KLRG1: variants seen among roughly 807,000 people sequenced by gnomAD.
KLRG1 encodes the protein killer cell lectin like receptor G1.
KLRG1 carries 16 observed loss-of-function variants against 21.8 expected under a neutral mutation model. That is an observed-to-expected ratio of 0.73 (90% CI 0.50 to 1.11). The LOEUF (loss-of-function observed/expected upper bound fraction) is 1.11. KLRG1 is among the 50% of genes most tolerant of loss of function. The pLI, the probability that KLRG1 is intolerant of heterozygous loss-of-function variation, is 0.00. For missense variants in KLRG1, 173 were observed against 218.3 expected (o/e 0.79, Z 1.31); for synonymous variants, 69 against 75.9 (o/e 0.91, Z 0.47).
chr12:8,957,850 A>G (rs756673221), intron 1 of KLRG1, among the ~76,000 whole-genome samples: 1 of 152,348 alleles, frequency 6.6e-6, no homozygotes, highest in African/African-American at 2.4e-5. Flanking sequence ...CATGCAATGT[A>G]AAACTTATGA....
At chr12:9,023,726 A>C in the KLRG1 span, among the ~76,000 whole-genome samples, 1 of 150,924 alleles carries the variant, frequency 6.6e-6, no homozygotes. Context: ...TGGCCAATTA[A>C]AAAAAATTTT....
At chr12:9,154,786 G>T in the KLRG1 span, 2 of 1,614,146 alleles carry the variant, frequency 1.2e-6, no homozygotes, top group South Asian at 2.2e-5. Flanking sequence ...GTTTGGTAAA[G>T]ATGCCCCACT....
intron 1 of KLRG1, among the ~76,000 whole-genome samples, chr12:8,962,836 G>A (rs1211560745): frequency 2.0e-5 from 3 of 152,110 alleles, no homozygotes; most frequent in Non-Finnish European, 4.4e-5. Context: ...GTGACCTGTG[G>A]TACTACGTCA....
In KLRG1 at chr12:9,000,580, C is replaced by T. The variant is rs887379231; in HGVS notation, c.357+5292C>T. On this transcript the variant is annotated intron_variant, in intron 3 of 4. Coordinates refer to ENST00000356986, the MANE Select transcript of KLRG1 (RefSeq NM_005810.4). Reference sequence around the variant, plus strand: ...TAAACAATAACTCCCCTCCCTCTAGCCCCTGGTAATCACTATTCTACTTAC... The same window carrying T: ...TAAACAATAACTCCCCTCCCTCTAGTCCCTGGTAATCACTATTCTACTTAC... Among the ~76,000 whole-genome samples the T allele has an allele frequency of 6.2e-4, 94 of 152,178 alleles. 7 individuals carry two copies. The highest frequency in any genetic ancestry group is 1.5e-5 in the Non-Finnish European group (1 of 68,038).
At chr12:9,050,897 C>T in the KLRG1 span, among the ~76,000 whole-genome samples, 1 of 152,216 alleles carries the variant, frequency 6.6e-6, no homozygotes, top group African/African-American at 2.4e-5. Context: ...CCTCTCTCTG[C>T]TCCTGGCACT....
the KLRG1 span, among the ~76,000 whole-genome samples, chr12:9,090,841 T>G: frequency 6.6e-6 from 1 of 152,180 alleles, no homozygotes; most frequent in Non-Finnish European, 1.5e-5. Context: ...AAAGGTAAGA[T>G]GCTCACAAAC....
chr12:9,037,565 G>GTGTA, the KLRG1 span, among the ~76,000 whole-genome samples: 1 of 152,154 alleles, frequency 6.6e-6, no homozygotes, highest in South Asian at 2.1e-4. Flanking sequence ...AGTATACAGT[G>GTGTA]TGTATAAAGT....
chr12:9,004,080 C>T (rs12297905), intron 3 of KLRG1, among the ~76,000 whole-genome samples: 9,562 of 152,032 alleles, frequency 0.063, 464 homozygotes, highest in African/African-American at 0.14. Flanking sequence ...ATATGTGCCA[C>T]ATTTTCTTAA....
At chr12:8,986,872 C>A (rs1160550177), upstream of KLRG1, among the ~76,000 whole-genome samples, 1 of 152,120 alleles carries the variant, frequency 6.6e-6, no homozygotes, top group Admixed American at 6.5e-5. Flanking sequence ...GAGTTCCTCA[C>A]AAGACCTGGT....
At chr12:9,190,923 A>G in the KLRG1 span, among the ~76,000 whole-genome samples, 57 of 152,224 alleles carry the variant, frequency 3.7e-4, no homozygotes, top group African/African-American at 1.3e-3. Context: ...CTTTTATCAT[A>G]GAGGTGTAAG....
At chr12:8,991,814 G>A (rs963317892) in intron 1 of KLRG1, among the ~76,000 whole-genome samples, 8 of 151,970 alleles carry the variant, frequency 5.3e-5, no homozygotes, top group Admixed American at 1.3e-4. Flanking sequence ...TTTTGCACCC[G>A]CGAGTATCTG....
the KLRG1 span, among the ~76,000 whole-genome samples, chr12:9,060,844 G>A: frequency 6.6e-6 from 1 of 152,092 alleles, no homozygotes; most frequent in Non-Finnish European, 1.5e-5. Context: ...TTCGTCACGT[G>A]AAGACTATCT....
the KLRG1 span, chr12:9,167,422 A>G: frequency 1.3e-5 from 2 of 152,190 alleles, no homozygotes; most frequent in East Asian, 1.9e-4. Context: ...TGGGCTCACA[A>G]GGGTATCTCC....
At chr12:9,050,706 G>A in the KLRG1 span, among the ~76,000 whole-genome samples, 6 of 152,160 alleles carry the variant, frequency 3.9e-5, no homozygotes, top group East Asian at 1.9e-4. Flanking sequence ...TGGGCCTCGC[G>A]CTCCACGGAG....
At chr12:8,965,762 C>G (rs1946460110) in intron 1 of KLRG1, among the ~76,000 whole-genome samples, 1 of 152,168 alleles carries the variant, frequency 6.6e-6, no homozygotes, top group African/African-American at 2.4e-5. Context: ...GCCATACTGC[C>G]CAAGGTAATT....
At chr12:9,089,391 A>G in the KLRG1 span, 1 of 675,764 alleles carries the variant, frequency 1.5e-6, no homozygotes, top group Non-Finnish European at 2.6e-6. Flanking sequence ...ACATATAAGC[A>G]ATATACGTAG....
At chr12:9,163,014 A>G in the KLRG1 span, among the ~76,000 whole-genome samples, 1 of 152,164 alleles carries the variant, frequency 6.6e-6, no homozygotes, top group African/African-American at 2.4e-5. Context: ...CCCACTTATA[A>G]GTGAGAACAT....
rs746577448 is a variant in KLRG1, at chr12:8,999,599, T to G, written c.357+4311T>G. Reference sequence around the variant, plus strand: ...GGTAACATGGTCACTTTTCTGTATATTTTTAATCAGGTAATGAAAACAGCT... The same window carrying G: ...GGTAACATGGTCACTTTTCTGTATAGTTTTAATCAGGTAATGAAAACAGCT... On this transcript the variant is annotated intron_variant, in intron 3 of 4. Coordinates refer to ENST00000356986, the MANE Select transcript of KLRG1 (RefSeq NM_005810.4). 2.6e-4 allele frequency among the ~76,000 whole-genome samples: 40 copies of G among 152,352 alleles called. No individual in the cohort carries two copies. In the South Asian group the frequency reaches 4.1e-3, roughly 16 times the overall value.
chr12:9,214,769 T>C, the KLRG1 span, among the ~76,000 whole-genome samples: 1 of 152,044 alleles, frequency 6.6e-6, no homozygotes, highest in African/African-American at 2.4e-5. Context: ...CCTTTTCTAA[T>C]GCTAATTTTA....
Sources: gnomAD v4.1 joint callset for allele counts (sites outside exome capture counted in the v4.1 genomes callset) on GRCh38, gnomAD v4.1.1 for gene constraint, MANE v1.5 for transcripts, NCBI Gene and HGNC (gene_info 2026-07-23, HGNC 2026-07-21) for gene names.